Variants in PAK1 observed in about 807,000 individuals in gnomAD.
The protein encoded by PAK1 is serine/threonine-protein kinase PAK 1.
Under a neutral mutation model 67.4 loss-of-function variants are expected in PAK1, and 29 were observed. That is an observed-to-expected ratio of 0.43 (90% CI 0.32 to 0.59). The LOEUF (loss-of-function observed/expected upper bound fraction) is 0.59, where lower values mean the gene tolerates loss of function less well. PAK1 is among the 20% of genes least tolerant of loss of function. The pLI, the probability that PAK1 is intolerant of heterozygous loss-of-function variation, is 0.07. For synonymous variants in PAK1, 223 were observed against 237.4 expected, an observed-to-expected ratio of 0.94 and a Z score of 0.56; for missense variants, 337 against 670.7, an observed-to-expected ratio of 0.50 and a Z score of 5.50.
intron 6 of PAK1, among the ~76,000 whole-genome samples, chr11:77,357,518 T>C (rs1036913679): frequency 6.6e-6 from 1 of 152,186 alleles, no homozygotes; most frequent in Non-Finnish European, 1.5e-5. Context: ...GACAGAAACC[T>C]TGCCTTTTCC....
At chr11:77,388,247 T>C (rs185255322) in intron 2 of PAK1, among the ~76,000 whole-genome samples, 1 of 152,352 alleles carries the variant, frequency 6.6e-6, no homozygotes, top group African/African-American at 2.4e-5. Context: ...GCTGTATCAT[T>C]GAATAAAGTA....
chr11:77,323,051 G>A lies in PAK1; in HGVS notation c.*223C>T, dbSNP rs1020049388. On this transcript the variant is annotated 3_prime_UTR_variant, in exon 15 of 15. Coordinates refer to ENST00000356341, the MANE Select transcript of PAK1 (RefSeq NM_002576.5). ...CCACCCTCATATCCATGAATTGGGA[G>A]GAAATTCCTTATTTAGAAATGGCCA... The A allele has an allele frequency of 2.8e-5, 22 of 797,596 alleles. No homozygotes were observed. The highest frequency in any genetic ancestry group is 1.4e-4 in the Admixed American group (7 of 49,670). The allele number at this position is 797,596 out of a possible 1,614,324, so 49.4% of individuals were successfully genotyped here.
the PAK1 span, among the ~76,000 whole-genome samples, chr11:77,480,176 C>A: frequency 6.6e-5 from 10 of 152,132 alleles, no homozygotes; most frequent in Admixed American, 4.6e-4. Context: ...GGCTTTTGAT[C>A]TTGCTATTCA....
chr11:77,443,388 A>G (rs902996593), intron 1 of PAK1, among the ~76,000 whole-genome samples: 5 of 152,062 alleles, frequency 3.3e-5, no homozygotes, highest in Non-Finnish European at 7.4e-5. Context: ...CCCATTCCCA[A>G]CAGCCACCAC....
At chr11:77,460,064 G>C (rs1004044304) in intron 1 of PAK1, among the ~76,000 whole-genome samples, 13 of 151,360 alleles carry the variant, frequency 8.6e-5, no homozygotes, top group Non-Finnish European at 1.5e-4. Context: ...TACTGAATGA[G>C]AAGGAGAAGC....
chr11:77,468,561 A>G (rs532447880), intron 1 of PAK1, among the ~76,000 whole-genome samples: 2 of 152,322 alleles, frequency 1.3e-5, no homozygotes, highest in East Asian at 3.9e-4. Flanking sequence ...ATACTGGATA[A>G]AGCCTGATCT....
chr11:77,405,834 A>G, intron 1 of PAK1, among the ~76,000 whole-genome samples: 1 of 152,120 alleles, frequency 6.6e-6, no homozygotes, highest in Non-Finnish European at 1.5e-5. Flanking sequence ...TCTGTCTGCC[A>G]ACTAACAATC....
chr11:77,499,012 T>C, the PAK1 span, among the ~76,000 whole-genome samples: 1 of 152,064 alleles, frequency 6.6e-6, no homozygotes, highest in Non-Finnish European at 1.5e-5. Flanking sequence ...TTTTATTCCC[T>C]CTTCAAACTG....
intron 1 of PAK1, among the ~76,000 whole-genome samples, chr11:77,403,471 T>A (rs908596970): frequency 2.6e-5 from 4 of 152,210 alleles, no homozygotes; most frequent in Non-Finnish European, 1.5e-5. Flanking sequence ...GAATGAATCA[T>A]ATATACTCCA....
intron 1 of PAK1, among the ~76,000 whole-genome samples, chr11:77,403,260 C>T (rs1208481349): frequency 1.3e-5 from 2 of 152,160 alleles, no homozygotes; most frequent in African/African-American, 2.4e-5. Flanking sequence ...TCTGGTCACT[C>T]CCACTGAAAG....
chr11:77,432,034 A>ACCCCATCT (rs1955886653), intron 1 of PAK1, among the ~76,000 whole-genome samples: 1 of 152,058 alleles, frequency 6.6e-6, no homozygotes. Flanking sequence ...AACGTGAATA[A>ACCCCATCT]CCCCATCTTA....
chr11:77,383,621 G>A (rs780242442), intron 2 of PAK1, among the ~76,000 whole-genome samples: 4 of 152,080 alleles, frequency 2.6e-5, no homozygotes, highest in Admixed American at 2.0e-4. Context: ...CACCACGCCC[G>A]GCCTGGTACT....
chr11:77,330,338 G>A (rs191975748), intron 14 of PAK1, among the ~76,000 whole-genome samples: 4,367 of 152,156 alleles, frequency 0.029, 198 homozygotes, highest in African/African-American at 0.099. Flanking sequence ...TCAATCCTAA[G>A]CCCAAAGAAC....
At chr11:77,487,940 G>C in the PAK1 span, among the ~76,000 whole-genome samples, 7,350 of 152,250 alleles carry the variant, frequency 0.048, 597 homozygotes, top group African/African-American at 0.17. Flanking sequence ...GGAAGTACCA[G>C]GCAGTAGTTA....
Position 77,322,747 on chromosome 11 carries a change from T to C in PAK1, c.*527A>G, listed in dbSNP as rs1032350853. On this transcript the variant is annotated 3_prime_UTR_variant, in exon 15 of 15. Coordinates refer to ENST00000356341, the MANE Select transcript of PAK1 (RefSeq NM_002576.5). ...GTCAGGATCAGCTGAGCCAAAGTCA[T>C]GGTCCAGGAAGCTGAGCCTCTTCAT... The C allele has an allele frequency of 2.0e-5, 6 of 294,038 alleles. No individual in the cohort carries two copies. The highest frequency in any genetic ancestry group is 2.2e-5 in the African/African-American group (1 of 46,484). The allele number at this position is 294,038 out of a possible 1,614,324, so 18.2% of individuals were successfully genotyped here.
Position 77,442,823 on chromosome 11 carries a change from G to A in PAK1, c.-22+30729C>T, listed in dbSNP as rs1171663974. On this transcript the variant is annotated intron_variant, in intron 1 of 14. Coordinates refer to ENST00000356341, the MANE Select transcript of PAK1 (RefSeq NM_002576.5). ...CGATCATGAAACCAAAAGTCCAGCCGAAATGAAACCCAAAGCCTCAAGGCT... is the reference window on the plus strand; with the variant it reads ...CGATCATGAAACCAAAAGTCCAGCCAAAATGAAACCCAAAGCCTCAAGGCT... 4.6e-5 allele frequency among the ~76,000 whole-genome samples: 7 copies of A among 152,166 alleles called. No individual in the cohort carries two copies. The South Asian group carries it at 1.0e-3, about 23-fold the overall frequency.
chr11:77,453,630 T>C (rs1956957536), intron 1 of PAK1, among the ~76,000 whole-genome samples: 1 of 152,124 alleles, frequency 6.6e-6, no homozygotes, highest in East Asian at 1.9e-4. Flanking sequence ...AAAATATGTA[T>C]GGTCACAGCA....
At chr11:77,386,421 C>G (rs1401957509) in intron 2 of PAK1, among the ~76,000 whole-genome samples, 1 of 152,168 alleles carries the variant, frequency 6.6e-6, no homozygotes, top group Non-Finnish European at 1.5e-5. Flanking sequence ...AAACTAAATG[C>G]TGAAAGACTT....
In PAK1 at chr11:77,322,931, C is replaced by A; in HGVS notation, c.*343G>T. 3.5e-6 allele frequency: 2 copies of A among 578,278 alleles called. No individual in the cohort carries two copies. Among genetic ancestry groups the A allele is most frequent in the Non-Finnish European group, 6.1e-6 (2 of 327,252 alleles). 35.8% of individuals were successfully genotyped at this position (578,278 alleles called of 1,614,324 possible). Reference sequence around the variant, plus strand: ...TTATCAAACCATAAATTTATATAGTCAAGAATTAATTGTGGGAGATGGTTA... The same window carrying A: ...TTATCAAACCATAAATTTATATAGTAAAGAATTAATTGTGGGAGATGGTTA... On this transcript the variant is annotated 3_prime_UTR_variant, in exon 15 of 15. Coordinates refer to ENST00000356341, the MANE Select transcript of PAK1 (RefSeq NM_002576.5).
Sources: gnomAD v4.1 joint callset for allele counts (sites outside exome capture counted in the v4.1 genomes callset) on GRCh38, gnomAD v4.1.1 for gene constraint, MANE v1.5 for transcripts, NCBI Gene and HGNC (gene_info 2026-07-23, HGNC 2026-07-21) for gene names.